Variants in XRN1 observed in about 807,000 individuals in gnomAD.
XRN1 encodes strand-exchange protein 1 homolog.
In XRN1, 67 loss-of-function variants were observed where a neutral mutation model predicts 222.3. The ratio of observed to expected loss-of-function variants is 0.30; its 90% CI spans 0.25 to 0.37. The LOEUF is 0.37. Ranked by LOEUF, XRN1 falls within the 10% of genes least tolerant of loss-of-function variation. XRN1 has a pLI of 1.00. For missense variants in XRN1, 1,707 were observed against 2,000.2 expected (o/e 0.85, Z 2.80); for synonymous variants, 643 against 652.4 (o/e 0.99, Z 0.22).
intron 15 of XRN1, among the ~76,000 whole-genome samples, chr3:142,406,693 A>ATT (rs756325232): frequency 7.1e-6 from 1 of 140,384 alleles, no homozygotes. Flanking sequence ...CATCCAGTTC[A>ATT]TTTTTTTTTT....
At chr3:142,356,215 A>G (rs1305710793) in intron 31 of XRN1, among the ~76,000 whole-genome samples, 1 of 152,226 alleles carries the variant, frequency 6.6e-6, no homozygotes, top group African/African-American at 2.4e-5. Flanking sequence ...ATAATCTAAT[A>G]AATTTAAATA....
intron 15 of XRN1, among the ~76,000 whole-genome samples, chr3:142,409,445 TG>T (rs2068474468): frequency 6.6e-6 from 1 of 152,242 alleles, no homozygotes. Context: ...ACTCACTGAA[TG>T]CTTTGGTGCC....
At chr3:142,360,011 G>A (rs1039021789) in intron 29 of XRN1, 80 bp from the exon 30 acceptor site, 2 of 886,090 alleles carry the variant, frequency 2.3e-6, no homozygotes, top group African/African-American at 3.4e-5. Flanking sequence ...GGAGTGTTTG[G>A]AAGTATTTAT....
intron 40 of XRN1, among the ~76,000 whole-genome samples, chr3:142,312,368 T>C (rs1356389750): frequency 6.6e-6 from 1 of 152,200 alleles, no homozygotes; most frequent in Admixed American, 6.5e-5. Flanking sequence ...TATTACTGAT[T>C]TTAATCAATC....
At chr3:142,337,508 T>C (rs1190092724) in intron 33 of XRN1, among the ~76,000 whole-genome samples, 3 of 152,188 alleles carry the variant, frequency 2.0e-5, no homozygotes, top group African/African-American at 7.2e-5. Context: ...AAATGAGTCA[T>C]ATTTTGAACA....
intron 13 of XRN1, among the ~76,000 whole-genome samples, chr3:142,415,770 A>T (rs1271348541): frequency 1.3e-5 from 2 of 152,228 alleles, no homozygotes; most frequent in Non-Finnish European, 2.9e-5. Flanking sequence ...TGGAGCTCTG[A>T]AACAGAGCCT....
intron 32 of XRN1, among the ~76,000 whole-genome samples, chr3:142,348,402 G>A (rs964915126): frequency 3.3e-5 from 5 of 152,088 alleles, no homozygotes; most frequent in Non-Finnish European, 7.4e-5. Context: ...CCAGACTGAT[G>A]ATAAAGTTAC....
chr3:142,311,411 A>G lies in XRN1; in HGVS notation c.*100T>C. On this transcript the variant is annotated 3_prime_UTR_variant, in exon 41 of 41. Coordinates refer to ENST00000392981, the MANE Select transcript of XRN1 (RefSeq NM_001282857.2). ...AAAAAAATTTCAATTTACACATATT[A>G]TTTTAAAATAGTACATTCTAATTTT... 1 of 1,168,142 alleles carries G rather than the reference A, an allele frequency of 8.6e-7. No homozygotes were observed. The highest frequency in any genetic ancestry group is 1.2e-6 in the Non-Finnish European group (1 of 857,738). The allele number at this position is 1,168,142 out of a possible 1,614,324, so 72.4% of individuals were successfully genotyped here.
intron 24 of XRN1, 57 bp downstream of exon 24, chr3:142,376,422 A>T: frequency 2.4e-6 from 3 of 1,257,768 alleles, no homozygotes; most frequent in Non-Finnish European, 3.4e-6. Flanking sequence ...TAAGCATTTA[A>T]TCTTTATCAT....
intron 12 of XRN1, 116 bp from the exon 13 acceptor site, chr3:142,417,345 T>G: frequency 1.3e-6 from 1 of 790,504 alleles, no homozygotes; most frequent in South Asian, 2.1e-5. Flanking sequence ...ATCAATGAAT[T>G]AGCTATTTAT....
At chr3:142,344,062 T>C (rs2066070880) in intron 33 of XRN1, among the ~76,000 whole-genome samples, 1 of 121,618 alleles carries the variant, frequency 8.2e-6, no homozygotes, top group Non-Finnish European at 1.6e-5. Context: ...GAAAATAGAG[T>C]AGAAGGATGG....
At chr3:142,345,693 T>C (rs1241721727) in intron 33 of XRN1, among the ~76,000 whole-genome samples, 1 of 152,060 alleles carries the variant, frequency 6.6e-6, no homozygotes. Flanking sequence ...AAAGAACTCT[T>C]ACAAACCAAG....
chr3:142,347,381 ATAT>A lies in XRN1; in HGVS notation c.3769-42_3769-40del. On this transcript the variant is annotated intron_variant, in intron 32 of 40. Transcript: ENST00000392981. ...TTCTTATAAATTAAACAAAATCTTAATATTATAACTACTTCTTATCTTCAACTT... is the reference window on the plus strand; with the variant it reads ...TTCTTATAAATTAAACAAAATCTTAATATAACTACTTCTTATCTTCAACTT... The A allele has an allele frequency of 2.4e-6, 3 of 1,230,464 alleles. 1 individual carries two copies. In the South Asian group the frequency reaches 4.6e-5, roughly 19 times the overall value. 76.2% of individuals were successfully genotyped at this position (1,230,464 alleles called of 1,614,324 possible).
At chr3:142,424,508 A>C (rs755027822) in intron 5 of XRN1, among the ~76,000 whole-genome samples, 25 of 152,236 alleles carry the variant, frequency 1.6e-4, no homozygotes, top group Non-Finnish European at 2.9e-4. Flanking sequence ...ACAAGAAAAC[A>C]AAATGAAACA....
At chr3:142,327,542 AC>A (rs2065554297) in intron 37 of XRN1, among the ~76,000 whole-genome samples, 1 of 151,642 alleles carries the variant, frequency 6.6e-6, no homozygotes. Flanking sequence ...AAAAAAAAAA[AC>A]AACTTTTTCT....
At position 142,380,121 on chromosome 3, in the gene XRN1, T is replaced by C; in HGVS notation, c.2676A>G (p.Pro892=). ...TTAAAGCATCAAGATTGGGTTCACATGGAATGCTGAAAATCACACGAATCC... is the reference window on the plus strand; with the variant it reads ...TTAAAGCATCAAGATTGGGTTCACACGGAATGCTGAAAATCACACGAATCC... ...EGRIRVIFSI[P]CEPNLDALIQ... is the part of the protein sequence containing the mutation. Residue 892 remains proline, a synonymous_variant, in exon 23 of 41, where the codon CCA becomes CCG. Transcript: ENST00000392981. 2 of 1,613,990 alleles carry C rather than the reference T, an allele frequency of 1.2e-6. No homozygotes were observed. The highest frequency in any genetic ancestry group is 2.2e-5 in the South Asian group (2 of 91,078).
At chr3:142,445,689 A>G (rs574228023) in intron 1 of XRN1, among the ~76,000 whole-genome samples, 18 of 152,292 alleles carry the variant, frequency 1.2e-4, no homozygotes, top group African/African-American at 3.9e-4. Flanking sequence ...CACTTCCAGC[A>G]TAACATTTCC....
intron 39 of XRN1, chr3:142,313,129 A>ATC (rs2065121197): frequency 1.2e-6 from 2 of 1,608,324 alleles, no homozygotes; most frequent in Admixed American, 3.4e-5. Context: ...AATCTTAAGG[A>ATC]TCTCACCTGC....
intron 2 of XRN1, among the ~76,000 whole-genome samples, chr3:142,430,007 G>A (rs2069453828): frequency 6.6e-6 from 1 of 152,160 alleles, no homozygotes; most frequent in Admixed American, 6.5e-5. Flanking sequence ...CCTAATTGCT[G>A]AATTGTAACT....
Sources: allele counts gnomAD v4.1 joint callset (sites outside exome capture counted in the v4.1 genomes callset), GRCh38; gene constraint gnomAD v4.1.1; transcripts MANE v1.5; gene names NCBI Gene and HGNC (gene_info 2026-07-23, HGNC 2026-07-21).